NCOA5: variants seen among roughly 807,000 people sequenced by gnomAD.
NCOA5 encodes the protein nuclear receptor coactivator 5, also known as NCoA-5.
A neutral mutation model predicts 59.0 loss-of-function variants in NCOA5; 12 were observed. That is an observed-to-expected ratio of 0.20 (90% CI 0.13 to 0.33). The LOEUF is 0.33. Among genes scored for constraint, NCOA5 ranks in the 10% least tolerant of loss-of-function variants. NCOA5 has a pLI of 1.00. For synonymous variants in NCOA5, 270 were observed against 275.5 expected, an observed-to-expected ratio of 0.98 and a Z score of 0.20; for missense variants, 655 against 766.6, an observed-to-expected ratio of 0.85 and a Z score of 1.72.
At position 46,063,499 on chromosome 20, in the gene NCOA5, G is replaced by A; in HGVS notation, c.1011C>T (p.Gly337=). The change falls in exon 7 of 8, where the codon GGC becomes GGT. Residue 337 remains glycine, a synonymous_variant. Coordinates refer to ENST00000290231, the MANE Select transcript of NCOA5 (RefSeq NM_020967.3). ...TGAGGCTCTGGATGGCTGGAGGGTG[G>A]CCCCCACGCACTCCCTCCTCAGGGC... is the stretch of plus-strand genomic sequence containing the variant. ...RGGPEEGVRG[G]HPPAIQSLIN... is the part of the protein sequence containing the mutation. The A allele has an allele frequency of 6.2e-7, 1 of 1,614,138 alleles. No homozygotes were observed. The highest frequency in any genetic ancestry group is 1.1e-5 in the South Asian group (1 of 91,086).
chr20:46,068,471 T>C, intron 4 of NCOA5, 31 bp downstream of exon 4: 1 of 1,588,088 alleles, frequency 6.3e-7, no homozygotes, highest in South Asian at 1.2e-5. Flanking sequence ...GTTCTATCAA[T>C]AATAGGAATA....
At chr20:46,082,915 A>C (rs1483748622) in intron 1 of NCOA5, among the ~76,000 whole-genome samples, 1 of 152,214 alleles carries the variant, frequency 6.6e-6, no homozygotes, top group Non-Finnish European at 1.5e-5. Context: ...TTTTAGACTA[A>C]TATGCCAGAC....
intron 2 of NCOA5, among the ~76,000 whole-genome samples, chr20:46,072,807 T>C (rs2084897552): frequency 6.6e-6 from 1 of 152,352 alleles, no homozygotes; most frequent in African/African-American, 2.4e-5. Flanking sequence ...ACTTTTGTCA[T>C]TTATCACAAA....
At position 46,063,526 on chromosome 20, in the gene NCOA5, T is replaced by G. The variant is rs1040847426; in HGVS notation, c.984A>C (p.Gly328=). The change falls in exon 7 of 8, where the codon GGA becomes GGC. Residue 328 remains glycine, a synonymous_variant. Coordinates refer to ENST00000290231, the MANE Select transcript of NCOA5 (RefSeq NM_020967.3). ...DEAILQERER[G]GPEEGVRGGH... is the part of the protein sequence containing the mutation. ...CCCCACGCACTCCCTCCTCAGGGCC[T>G]CCTCTCTCTCTTTCCTGCAGGATGG... 3 of 1,614,020 alleles carry G rather than the reference T, an allele frequency of 1.9e-6. No individual in the cohort carries two copies. The African/African-American group carries it at 4.0e-5, about 22-fold the overall frequency.
intron 2 of NCOA5, among the ~76,000 whole-genome samples, chr20:46,074,519 C>T (rs2084915922): frequency 6.6e-6 from 1 of 152,110 alleles, no homozygotes; most frequent in Non-Finnish European, 1.5e-5. Context: ...GTGGCAAACA[C>T]AACTAAAATT....
Position 46,065,125 on chromosome 20 carries a change from C to T in NCOA5, c.733G>A (p.Val245Ile). ...GCAAAAGGAGAACCTCCCCTGCTAA[C>T]ATCCTCCAAGGCTTGTGACAGTGAC... The part of the protein sequence containing the change: ...EVSLSQALED[V>I]SRGGSPFAIV... Residue 245 changes from valine (V) to isoleucine (I), a missense_variant, in exon 6 of 8, where the codon GTT becomes ATT. This residue lies in a region of NCOA5 where 80 missense variants were observed against 153.3 expected (regional missense o/e 0.52). Transcript: ENST00000290231. 1 of 1,614,214 alleles carries T rather than the reference C, an allele frequency of 6.2e-7. No individual in the cohort carries two copies. Among genetic ancestry groups the T allele is most frequent in the South Asian group, 1.1e-5 (1 of 91,082 alleles).
At chr20:46,065,331 T>C in intron 5 of NCOA5, 103 bp from the exon 6 acceptor site, 1 of 1,041,756 alleles carries the variant, frequency 9.6e-7, no homozygotes, top group Non-Finnish European at 1.5e-6. Flanking sequence ...AACCTTAGTC[T>C]ACCCCAGTAC....
At chr20:46,076,241 G>C (rs2084937203) in intron 2 of NCOA5, among the ~76,000 whole-genome samples, 2 of 152,132 alleles carry the variant, frequency 1.3e-5, no homozygotes, top group Admixed American at 1.3e-4. Context: ...CATACAAAAT[G>C]ATTAGGGCTG....
chr20:46,068,648 T>C lies in NCOA5; in HGVS notation c.366-10A>G, dbSNP rs189645317. 442 of 1,601,184 alleles carry C rather than the reference T, an allele frequency of 2.8e-4. No homozygotes were observed. In the African/African-American group the frequency reaches 5.5e-3, roughly 20 times the overall value. ...ATAAGAGCCTTCTCTCCTGAAAAGT[T>C]AAGGAAATTTTCATAAAGATAAAAC... is the stretch of plus-strand genomic sequence containing the variant. On this transcript the variant is annotated splice_polypyrimidine_tract_variant and intron_variant, in intron 3 of 7. Transcript: ENST00000290231.
chr20:46,087,628 G>A (rs966877802), intron 1 of NCOA5, among the ~76,000 whole-genome samples: 1 of 152,090 alleles, frequency 6.6e-6, no homozygotes, highest in Non-Finnish European at 1.5e-5. Context: ...GCGTGGTGGC[G>A]CACGCCTGTA....
chr20:46,078,861 G>A (rs2084965288), intron 2 of NCOA5, among the ~76,000 whole-genome samples: 1 of 152,178 alleles, frequency 6.6e-6, no homozygotes, highest in Admixed American at 6.5e-5. Flanking sequence ...TCGAGAGCTG[G>A]AGTGTTTTGC....
chr20:46,084,687 A>G (rs534807039), intron 1 of NCOA5, among the ~76,000 whole-genome samples: 11 of 152,236 alleles, frequency 7.2e-5, no homozygotes, highest in East Asian at 1.9e-4. Context: ...CTCTGAATCT[A>G]TATTTCCTTT....
At position 46,062,326 on chromosome 20, in the gene NCOA5, T is replaced by C. The variant is rs1397711535; in HGVS notation, c.1714A>G (p.Met572Val). 3.7e-6 allele frequency: 6 copies of C among 1,613,800 alleles called. No individual in the cohort carries two copies. The highest frequency in any genetic ancestry group is 5.1e-6 in the Non-Finnish European group (6 of 1,179,898). ...CAGTAATGCCTCTGGTAAGATCCCA[T>C]GGGGGCCTGTGGCTGCCCCATCTGT... ...TAQMGQPQAP[M>V]GSYQRHY The change falls in exon 8 of 8, where the codon ATG becomes GTG. Residue 572 changes from methionine to valine, a missense_variant. Around this residue, in one of 3 missense-constraint regions of NCOA5, gnomAD observed 325 missense variants for 353.2 expected, o/e 0.92. Transcript: ENST00000290231.
At chr20:46,084,088 A>G (rs2085021980) in intron 1 of NCOA5, among the ~76,000 whole-genome samples, 1 of 152,228 alleles carries the variant, frequency 6.6e-6, no homozygotes, top group Non-Finnish European at 1.5e-5. Context: ...TACTTACAGA[A>G]TGCTTATTTT....
Position 46,065,232 on chromosome 20 carries a change from T to G in NCOA5, c.630-4A>C. 2 of 1,614,006 alleles carry G rather than the reference T, an allele frequency of 1.2e-6. No homozygotes were observed. Among genetic ancestry groups the G allele is most frequent in the Non-Finnish European group, 8.5e-7 (1 of 1,179,922 alleles). On this transcript the variant is annotated splice_region_variant and splice_polypyrimidine_tract_variant and intron_variant, in intron 5 of 7. Transcript: ENST00000290231. ...CCCCACAGACTCAGCATAGTCTCTG[T>G]AAAAATAAATAAGATCCAGGTGAGC...
At chr20:46,078,718 T>G (rs2084963863) in intron 2 of NCOA5, among the ~76,000 whole-genome samples, 1 of 152,112 alleles carries the variant, frequency 6.6e-6, no homozygotes, top group African/African-American at 2.4e-5. Context: ...AAGCTCTTCT[T>G]TGAGAGGAGG....
chr20:46,068,603 T>C lies in NCOA5; in HGVS notation c.401A>G (p.Asp134Gly). The change falls in exon 4 of 8, where the codon GAT becomes GGT. Residue 134 changes from aspartate (D) to glycine (G), a missense_variant. Transcript: ENST00000290231. ...GTCATCCTTTCTCCTGCAATAGTCA[T>C]CCATTCGTAGGTATCGGTCATAAGA... is the stretch of plus-strand genomic sequence containing the variant. The part of the protein sequence containing the change: ...EGSYDRYLRM[D>G]DYCRRKDDSY... 3.7e-6 allele frequency: 6 copies of C among 1,613,702 alleles called. No individual in the cohort carries two copies. The highest frequency in any genetic ancestry group is 5.1e-6 in the Non-Finnish European group (6 of 1,179,808).
chr20:46,070,162 A>G, intron 3 of NCOA5, 48 bp downstream of exon 3: 1 of 1,454,024 alleles, frequency 6.9e-7, no homozygotes. Context: ...AGCAGAACAT[A>G]CATAAAAAGA....
At chr20:46,076,674 G>C (rs1201004074) in intron 2 of NCOA5, among the ~76,000 whole-genome samples, 8 of 151,784 alleles carry the variant, frequency 5.3e-5, no homozygotes, top group Non-Finnish European at 1.0e-4. Flanking sequence ...ATGACTGTAT[G>C]GAACTTCATC....
Sources: allele counts gnomAD v4.1 joint callset (sites outside exome capture counted in the v4.1 genomes callset), GRCh38; gene constraint gnomAD v4.1.1; regional missense constraint gnomAD v4.1.1; transcripts MANE v1.5; gene names NCBI Gene and HGNC (gene_info 2026-07-23, HGNC 2026-07-21).